The following CNIH3 variants were observed in gnomAD, a reference collection of about 807,000 sequenced individuals.
CNIH3 encodes the protein protein cornichon homolog 3.
Under a neutral mutation model 24.1 loss-of-function variants are expected in CNIH3, and 14 were observed. That is an observed-to-expected ratio of 0.58 (90% confidence interval 0.38 to 0.91). The LOEUF (loss-of-function observed/expected upper bound fraction) is 0.91. CNIH3 is among the 40% of genes least tolerant of loss of function. The probability of loss-of-function intolerance (pLI) is 0.00; values close to 1 mark genes in which losing one functional copy is unlikely to be tolerated. For missense variants in CNIH3, 178 were observed against 196.8 expected, an observed-to-expected ratio of 0.90 and a Z score of 0.57; for synonymous variants, 68 against 73.8, an observed-to-expected ratio of 0.92 and a Z score of 0.40.
intron 3 of CNIH3, among the ~76,000 whole-genome samples, chr1:224,607,165 T>G (rs1448730117): frequency 2.0e-5 from 3 of 152,234 alleles, no homozygotes; most frequent in Non-Finnish European, 4.4e-5. Flanking sequence ...GTCCCTGTGC[T>G]TCCACACAGC....
downstream of CNIH3, among the ~76,000 whole-genome samples, chr1:224,540,472 T>TC (rs1415096738): frequency 2.0e-5 from 3 of 152,222 alleles, no homozygotes; most frequent in African/African-American, 7.2e-5. Flanking sequence ...AAAGTTTCAT[T>TC]CATTTAAAAA....
chr1:224,629,684 GTGTTTAA>G (rs1388118973), intron 1 of CNIH3, among the ~76,000 whole-genome samples: 4 of 152,182 alleles, frequency 2.6e-5, no homozygotes, highest in Non-Finnish European at 4.4e-5. Context: ...GCTGGATCAA[GTGTTTAA>G]TGTTTAATTT....
chr1:224,716,278 A>C (rs962559628), intron 3 of CNIH3, among the ~76,000 whole-genome samples: 1 of 152,092 alleles, frequency 6.6e-6, no homozygotes, highest in African/African-American at 2.4e-5. Context: ...CCAGACTCCA[A>C]ACTCTCACCA....
intron 4 of CNIH3, among the ~76,000 whole-genome samples, chr1:224,569,429 G>T (rs553712824): frequency 6.6e-6 from 1 of 152,240 alleles, no homozygotes; most frequent in African/African-American, 2.4e-5. Context: ...ATTCAGATGT[G>T]GATGAATGTT....
intron 2 of CNIH3, among the ~76,000 whole-genome samples, chr1:224,681,547 G>A (rs1206951162): frequency 6.6e-6 from 1 of 152,206 alleles, no homozygotes; most frequent in African/African-American, 2.4e-5. Context: ...GGTGCAGTCT[G>A]ATTGTCCTGG....
Position 224,739,480 on chromosome 1 carries a change from A to C in CNIH3, c.*124A>C. 2 of 1,534,984 alleles carry C rather than the reference A, an allele frequency of 1.3e-6. No individual in the cohort carries two copies. The highest frequency in any genetic ancestry group is 1.8e-6 in the Non-Finnish European group (2 of 1,139,444). On this transcript the variant is annotated 3_prime_UTR_variant, in exon 6 of 6. Transcript: ENST00000272133. ...TACGTGAGAAATAGACCCGGCAGGC[A>C]GTCAGACTGAATGGGAGCTGGAATC... is the stretch of plus-strand genomic sequence containing the variant.
intron 3 of CNIH3, among the ~76,000 whole-genome samples, chr1:224,603,347 C>T (rs1301126818): frequency 6.6e-6 from 1 of 152,130 alleles, no homozygotes; most frequent in African/African-American, 2.4e-5. Flanking sequence ...ACTGGGGACC[C>T]AAGATTTTAG....
At chr1:224,592,304 G>C (rs935964465), downstream of CNIH3, among the ~76,000 whole-genome samples, 1 of 152,146 alleles carries the variant, frequency 6.6e-6, no homozygotes, top group African/African-American at 2.4e-5. Context: ...GAGCTTAGAG[G>C]AGTAAAAGAC....
chr1:224,605,289 C>T (rs1202375877), intron 3 of CNIH3, among the ~76,000 whole-genome samples: 1 of 152,192 alleles, frequency 6.6e-6, no homozygotes, highest in African/African-American at 2.4e-5. Flanking sequence ...TGGCATTTGG[C>T]TGCCTCCTGT....
At chr1:224,469,597 C>A (rs1308573727) in intron 1 of CNIH3, among the ~76,000 whole-genome samples, 6 of 152,178 alleles carry the variant, frequency 3.9e-5, no homozygotes, top group Admixed American at 3.9e-4. Flanking sequence ...TAATCTCAAA[C>A]TTCAGGCTCA....
chr1:224,662,378 A>G (rs1441487583), intron 1 of CNIH3, among the ~76,000 whole-genome samples: 1 of 152,144 alleles, frequency 6.6e-6, no homozygotes, highest in Non-Finnish European at 1.5e-5. Context: ...ATATATGGGT[A>G]TTTTCACCAA....
chr1:224,666,010 C>T lies in CNIH3; in HGVS notation c.82-14948C>T, dbSNP rs566238347. On this transcript the variant is annotated intron_variant, in intron 1 of 5. Transcript: ENST00000272133. ...AGCAGGTACAGGGCAGGGTCTGTGC[C>T]GCCTTGTATTTTGGCAGCTTTCCCA... 7.2e-5 allele frequency among the ~76,000 whole-genome samples: 11 copies of T among 152,280 alleles called. 1 individual carries two copies. Among genetic ancestry groups the T allele is most frequent in the South Asian group, 6.2e-4 (3 of 4,816 alleles).
At chr1:224,521,232 T>C (rs1678615967) in exon 2 of CNIH3, 1 of 152,130 alleles carries the variant, frequency 6.6e-6, no homozygotes, top group South Asian at 2.1e-4. Flanking sequence ...GGAGCGTGCA[T>C]GTTGTCCTTG....
At chr1:224,668,149 T>C (rs987647735) in intron 1 of CNIH3, among the ~76,000 whole-genome samples, 11 of 152,222 alleles carry the variant, frequency 7.2e-5, no homozygotes, top group Non-Finnish European at 1.2e-4. Context: ...TGAACAGTTA[T>C]ATATGTAAGA....
At chr1:224,578,086 G>A (rs770656898) in intron 4 of CNIH3, among the ~76,000 whole-genome samples, 3 of 151,784 alleles carry the variant, frequency 2.0e-5, no homozygotes, top group Non-Finnish European at 4.4e-5. Flanking sequence ...TCGGATGAAG[G>A]GTGGACCAAA....
At chr1:224,656,211 A>C (rs1261145270) in intron 1 of CNIH3, among the ~76,000 whole-genome samples, 1 of 152,214 alleles carries the variant, frequency 6.6e-6, no homozygotes, top group African/African-American at 2.4e-5. Context: ...CATTCCACTT[A>C]TAATGGGAAA....
intron 1 of CNIH3, among the ~76,000 whole-genome samples, chr1:224,519,409 C>T (rs1388876015): frequency 6.6e-6 from 1 of 152,074 alleles, no homozygotes; most frequent in African/African-American, 2.4e-5. Context: ...GGAACTACAC[C>T]ACCAGCCTTC....
In CNIH3 at chr1:224,675,001, T is replaced by G. The variant is rs563952516; in HGVS notation, c.82-5957T>G. Among the ~76,000 whole-genome samples, 276 of 152,292 alleles carry G rather than the reference T, an allele frequency of 1.8e-3. 1 individual carries two copies. The highest frequency in any genetic ancestry group is 6.1e-3 in the African/African-American group (255 of 41,554). ...CGGGCCCCAGGCAGCGTAGAGGCAA[T>G]CTGGCTTTCAAGGACCTCAGTTATG... On this transcript the variant is annotated intron_variant, in intron 1 of 5. Transcript: ENST00000272133.
At chr1:224,455,066 C>T (rs1675589955) in intron 1 of CNIH3, among the ~76,000 whole-genome samples, 2 of 152,166 alleles carry the variant, frequency 1.3e-5, no homozygotes, top group African/African-American at 4.8e-5. Flanking sequence ...ATAGCTTAGC[C>T]TAGCCTACCT....
Sources: gnomAD v4.1 joint callset for allele counts (sites outside exome capture counted in the v4.1 genomes callset) on GRCh38, gnomAD v4.1.1 for gene constraint, MANE v1.5 for transcripts, NCBI Gene and HGNC (gene_info 2026-07-23, HGNC 2026-07-21) for gene names.